Variants in MLIP observed in about 807,000 individuals in gnomAD.
MLIP encodes the protein muscular LMNA-interacting protein.
MLIP carries 79 observed loss-of-function variants against 84.8 expected under a neutral mutation model. That is an observed-to-expected ratio of 0.93 (90% CI 0.78 to 1.12). The LOEUF is 1.12. Among genes scored for constraint, MLIP ranks in the 50% most tolerant of loss-of-function variants. The pLI, the probability that MLIP is intolerant of heterozygous loss-of-function variation, is 0.00. For missense variants in MLIP, 1,257 were observed against 1,160.6 expected (o/e 1.08, Z -1.21); for synonymous variants, 504 against 463.0 (o/e 1.09, Z -1.14).
intron 10 of MLIP, among the ~76,000 whole-genome samples, chr6:54,197,756 G>A (rs1261710178): frequency 6.6e-6 from 1 of 152,044 alleles, no homozygotes; most frequent in African/African-American, 2.4e-5. Flanking sequence ...TGAAAGAAGG[G>A]CCTCTTAAGG....
At chr6:54,044,297 G>A (rs1335197125) in intron 1 of MLIP, among the ~76,000 whole-genome samples, 1 of 152,174 alleles carries the variant, frequency 6.6e-6, no homozygotes, top group Non-Finnish European at 1.5e-5. Flanking sequence ...GAAACAGAAT[G>A]TCAAGCAGCT....
At chr6:54,074,635 A>G (rs920961810) in intron 1 of MLIP, among the ~76,000 whole-genome samples, 10 of 152,298 alleles carry the variant, frequency 6.6e-5, no homozygotes, top group African/African-American at 2.2e-4. Context: ...ACTGCATGCT[A>G]TAAAGTATTC....
chr6:54,147,349 G>C (rs975244478), intron 4 of MLIP, among the ~76,000 whole-genome samples: 1 of 152,124 alleles, frequency 6.6e-6, no homozygotes, highest in Non-Finnish European at 1.5e-5. Context: ...AAATGTCAAC[G>C]TAGTAATAAA....
At chr6:54,228,347 A>G (rs927481413) in intron 11 of MLIP, among the ~76,000 whole-genome samples, 2 of 152,196 alleles carry the variant, frequency 1.3e-5, no homozygotes, top group African/African-American at 4.8e-5. Flanking sequence ...ATTGAAACAT[A>G]AATATTGAAG....
At chr6:54,217,283 G>A in intron 11 of MLIP, 1 of 985,376 alleles carries the variant, frequency 1.0e-6, no homozygotes, top group Non-Finnish European at 1.2e-6. Context: ...TAAAATGCCA[G>A]GATGGAACAA....
At chr6:54,045,365 A>C (rs1764985114) in intron 1 of MLIP, 1 of 151,070 alleles carries the variant, frequency 6.6e-6, no homozygotes, top group Admixed American at 6.6e-5. Context: ...AAAAAAATTC[A>C]TGAGGAATGG....
At position 54,102,392 on chromosome 6, in the gene MLIP, T is replaced by C. The variant is rs575676167; in HGVS notation, c.64-19055T>C. Among the ~76,000 whole-genome samples the C allele has an allele frequency of 5.9e-5, 9 of 152,278 alleles. No homozygotes were observed. In the East Asian group the frequency reaches 1.7e-3, roughly 29 times the overall value. ...TTGAGGTAGCCATGGTGACAGACTA[T>C]GGTTGCCAACAGTGGGAGGAGTGAT... is the stretch of plus-strand genomic sequence containing the variant. On this transcript the variant is annotated intron_variant, in intron 1 of 12. Transcript: ENST00000274897.
chr6:54,076,062 G>A (rs1766785480), intron 1 of MLIP, among the ~76,000 whole-genome samples: 1 of 152,064 alleles, frequency 6.6e-6, no homozygotes, highest in Non-Finnish European at 1.5e-5. Flanking sequence ...TTATTTCATT[G>A]GCTTTTAACC....
chr6:54,092,099 A>G (rs1204564976), intron 1 of MLIP, among the ~76,000 whole-genome samples: 2 of 152,194 alleles, frequency 1.3e-5, no homozygotes, highest in Non-Finnish European at 2.9e-5. Flanking sequence ...AGGATTAAAA[A>G]TAGGATGGGT....
Position 54,213,737 on chromosome 6 carries a change from C to CAAA in MLIP, c.2718+11506_2718+11507insAAA, listed in dbSNP as rs1779653691. ...AAAAAAAAAAAAAAAAAAAAAAAAA[C>CAAA]AACAAACAGCATATCTTGTATGTAC... is the stretch of plus-strand genomic sequence containing the variant. On this transcript the variant is annotated intron_variant, in intron 11 of 13. Transcript: ENST00000502396. 3.8e-4 allele frequency among the ~76,000 whole-genome samples: 27 copies of CAAA among 71,368 alleles called. 6 individuals carry two copies. The highest frequency in any genetic ancestry group is 1.7e-3 in the South Asian group (4 of 2,384). 46.8% of individuals were successfully genotyped at this position (71,368 alleles called of 152,430 possible). A position where few individuals can be genotyped will look rare whatever the true frequency, so the allele number is the denominator to read the frequency against.
At chr6:54,092,225 G>GA (rs1429590876) in intron 1 of MLIP, among the ~76,000 whole-genome samples, 1 of 152,170 alleles carries the variant, frequency 6.6e-6, no homozygotes, top group Non-Finnish European at 1.5e-5. Context: ...AGGGCTTCCA[G>GA]ATTTAAATGG....
intron 4 of MLIP, among the ~76,000 whole-genome samples, chr6:54,144,407 C>T (rs1356025018): frequency 6.6e-6 from 1 of 152,176 alleles, no homozygotes; most frequent in Non-Finnish European, 1.5e-5. Flanking sequence ...CTGCACCGGT[C>T]CCCAACCTTT....
At chr6:54,163,148 A>T (rs1051231173) in intron 8 of MLIP, among the ~76,000 whole-genome samples, 3 of 152,000 alleles carry the variant, frequency 2.0e-5, no homozygotes, top group African/African-American at 7.2e-5. Context: ...AGCATATATA[A>T]TCATTTCTTA....
chr6:54,233,805 T>A (rs1415135903), intron 12 of MLIP, among the ~76,000 whole-genome samples: 2 of 152,208 alleles, frequency 1.3e-5, no homozygotes, highest in African/African-American at 4.8e-5. Context: ...TAATTTACAC[T>A]CCCACCAACA....
At chr6:54,025,793 C>A (rs549927510) in intron 1 of MLIP, among the ~76,000 whole-genome samples, 5 of 152,248 alleles carry the variant, frequency 3.3e-5, no homozygotes, top group Admixed American at 6.5e-5. Flanking sequence ...TTGTCATGGG[C>A]CATGGTAGGC....
At chr6:54,219,366 T>C (rs970437043) in intron 11 of MLIP, among the ~76,000 whole-genome samples, 5 of 130,542 alleles carry the variant, frequency 3.8e-5, no homozygotes, top group African/African-American at 1.4e-4. Flanking sequence ...TTTTACATTT[T>C]AAACTTTTTT....
chr6:54,229,905 G>T (rs1780862160), intron 11 of MLIP, among the ~76,000 whole-genome samples: 1 of 152,098 alleles, frequency 6.6e-6, no homozygotes, highest in African/African-American at 2.4e-5. Context: ...ATACCTGTAT[G>T]TAGGCCCTTT....
intron 12 of MLIP, among the ~76,000 whole-genome samples, chr6:54,235,876 T>C (rs1562091105): frequency 6.6e-6 from 1 of 152,184 alleles, no homozygotes; most frequent in African/African-American, 2.4e-5. Context: ...TTCCTTTCTG[T>C]TATATAACCA....
chr6:54,216,802 A>G (rs1779883394), intron 11 of MLIP: 1 of 985,360 alleles, frequency 1.0e-6, no homozygotes, highest in Non-Finnish European at 1.2e-6. Context: ...ATCGAAACCA[A>G]TTTATATTGG....
Sources: allele counts gnomAD v4.1 joint callset (sites outside exome capture counted in the v4.1 genomes callset), GRCh38; gene constraint gnomAD v4.1.1; transcripts MANE v1.5; gene names NCBI Gene and HGNC (gene_info 2026-07-23, HGNC 2026-07-21).